The following NUP188 variants were observed in gnomAD, a reference collection of about 807,000 sequenced individuals.
NUP188 encodes the protein nucleoporin 188.
Under a neutral mutation model 223.0 loss-of-function variants are expected in NUP188, and 97 were observed. That is an observed-to-expected ratio of 0.43 (90% CI 0.37 to 0.51). The LOEUF (loss-of-function observed/expected upper bound fraction) is 0.51. Ranked by LOEUF, NUP188 falls within the 20% of genes least tolerant of loss-of-function variation. The pLI is 0.00. For missense variants in NUP188, 1,947 were observed against 2,175.6 expected (o/e 0.89, Z 2.09); for synonymous variants, 869 against 828.0 (o/e 1.05, Z -0.85).
At position 129,005,239 on chromosome 9, in the gene NUP188, T is replaced by C. The variant is rs1393859105; in HGVS notation, c.4509+18T>C. 9.3e-6 allele frequency: 15 copies of C among 1,613,680 alleles called. No individual in the cohort carries two copies. The highest frequency in any genetic ancestry group is 4.0e-5 in the African/African-American group (3 of 74,940). ...ACTTACAGGTAAGCGTCCTATGCCATGAGGTCCTGGAATACCTCACGCTAG... is the reference window on the plus strand; with the variant it reads ...ACTTACAGGTAAGCGTCCTATGCCACGAGGTCCTGGAATACCTCACGCTAG... On this transcript the variant is annotated intron_variant, in intron 39 of 43. Transcript: ENST00000372577.
intron 8 of NUP188, among the ~76,000 whole-genome samples, chr9:128,962,250 T>C (rs1410191404): frequency 6.8e-6 from 1 of 146,020 alleles, no homozygotes; most frequent in Non-Finnish European, 1.5e-5. Flanking sequence ...ACCATACTCT[T>C]TTTTTTTTTT....
In NUP188 at chr9:129,006,766, ACAATGGAGGG is replaced by A. The variant is rs1564571003; in HGVS notation, c.*91_*100del. The A allele has an allele frequency of 1.5e-6, 2 of 1,376,764 alleles. No individual in the cohort carries two copies. Among genetic ancestry groups the A allele is most frequent in the Admixed American group, 4.7e-5 (2 of 42,460 alleles). The allele number at this position is 1,376,764 out of a possible 1,614,324, so 85.3% of individuals were successfully genotyped here. ...GGTGCTGCTGGCTGCTAGGGCCTAT[ACAATGGAGGG>A]CACCTCCTGTCACCCCCCTCCCGGA... On this transcript the variant is annotated 3_prime_UTR_variant, in exon 44 of 44. Transcript: ENST00000372577.
At chr9:128,986,995 A>G (rs1842342309) in intron 22 of NUP188, 120 bp downstream of exon 22, 3 of 771,696 alleles carry the variant, frequency 3.9e-6, no homozygotes, top group Non-Finnish European at 6.4e-6. Flanking sequence ...GAACTCAGTA[A>G]TCTTGAGGTT....
intron 12 of NUP188, among the ~76,000 whole-genome samples, chr9:128,976,435 C>A (rs938689250): frequency 2.0e-5 from 3 of 152,014 alleles, no homozygotes; most frequent in Non-Finnish European, 4.4e-5. Context: ...CTTTGGGAGA[C>A]CAAAGAGGGC....
intron 3 of NUP188, 112 bp from the exon 4 acceptor site, chr9:128,956,238 T>C (rs1367718797): frequency 5.5e-6 from 3 of 544,028 alleles, no homozygotes; most frequent in East Asian, 6.4e-5. Context: ...TGTGTGTTTA[T>C]AGGCATCTGA....
intron 19 of NUP188, among the ~76,000 whole-genome samples, chr9:128,984,182 A>G (rs1842299039): frequency 7.2e-6 from 1 of 139,248 alleles, no homozygotes; most frequent in Non-Finnish European, 1.5e-5. Flanking sequence ...GCTGGAGTGC[A>G]ATGGCGTGAT....
rs61751464 is a variant in NUP188 at position 129,002,939 on chromosome 9, G to A, written c.4260G>A (p.Leu1420=). ...GCTACAACTTCCTGCCTGAGGCCCT[G>A]GACTTCGTGGGTGTCCACCAGGAGC... ...TLRYNFLPEA[L]DFVGVHQERT... The change falls in exon 37 of 44, where the codon CTG becomes CTA. Residue 1420 remains leucine (L), a synonymous_variant. Coordinates refer to ENST00000372577, the MANE Select transcript of NUP188 (RefSeq NM_015354.3). 1.5e-4 allele frequency: 244 copies of A among 1,614,202 alleles called. 6 individuals carry two copies. In the Middle Eastern group the frequency reaches 0.014, roughly 92 times the overall value.
rs1842600200 is a variant in NUP188 at position 128,999,555 on chromosome 9, G to A, written c.3662-69G>A. 3 of 1,513,808 alleles carry A rather than the reference G, an allele frequency of 2.0e-6. No homozygotes were observed. The South Asian group carries it at 3.5e-5, about 18-fold the overall frequency. The allele number at this position is 1,513,808 out of a possible 1,614,324, so 93.8% of individuals were successfully genotyped here. A position where few individuals can be genotyped will look rare whatever the true frequency, so the allele number is the denominator to read the frequency against. On this transcript the variant is annotated intron_variant, in intron 33 of 43. Coordinates refer to ENST00000372577, the MANE Select transcript of NUP188 (RefSeq NM_015354.3). ...TACATCTCCAGCCCCTTCCTAGGAA[G>A]GAAACCTTGGTGTACAGTGAGAGTT...
chr9:128,968,361 C>T (rs529763282), intron 8 of NUP188, 145 bp from the exon 9 acceptor site: 7 of 632,132 alleles, frequency 1.1e-5, no homozygotes, highest in South Asian at 2.0e-5. Flanking sequence ...GGATCAGTTG[C>T]GTGTAGCAGT....
chr9:128,983,642 G>A, intron 19 of NUP188, 92 bp downstream of exon 19: 1 of 919,156 alleles, frequency 1.1e-6, no homozygotes, highest in Non-Finnish European at 1.7e-6. Context: ...TTATTTTTAT[G>A]TATTTGTTTG....
chr9:128,999,644 T>A lies in NUP188; in HGVS notation c.3682T>A (p.Ser1228Thr). Reference sequence around the variant, plus strand: ...TACAGTAAGTGACATCCCCCAGTACTCCCAGCTGGTGCTGAATGTCTGTGA... The same window carrying A: ...TACAGTAAGTGACATCCCCCAGTACACCCAGCTGGTGCTGAATGTCTGTGA... ...EMKVSDIPQY[S>T]QLVLNVCETL... Residue 1228 changes from serine to threonine, a missense_variant, in exon 34 of 44, where the codon TCC becomes ACC. By Grantham distance (58) the Ser-to-Thr change is moderately conservative (BLOSUM62 1). Transcript: ENST00000372577. 1 of 1,614,020 alleles carries A rather than the reference T, an allele frequency of 6.2e-7. No individual in the cohort carries two copies. Among genetic ancestry groups the A allele is most frequent in the Non-Finnish European group, 8.5e-7 (1 of 1,180,016 alleles).
chr9:128,987,122 T>A (rs1399269391), intron 22 of NUP188, among the ~76,000 whole-genome samples: 1 of 151,734 alleles, frequency 6.6e-6, no homozygotes, highest in Non-Finnish European at 1.5e-5. Flanking sequence ...TGTGTGTGTG[T>A]GTGTGTGTGT....
intron 38 of NUP188, chr9:129,004,881 T>C: frequency 1.9e-6 from 1 of 539,718 alleles, no homozygotes; most frequent in Non-Finnish European, 3.3e-6. Context: ...TCCTGAGCCC[T>C]GCTGGCCCAA....
intron 6 of NUP188, among the ~76,000 whole-genome samples, 177 bp downstream of exon 6, chr9:128,958,231 G>T (rs1841898582): frequency 6.6e-6 from 1 of 152,204 alleles, no homozygotes; most frequent in African/African-American, 2.4e-5. Flanking sequence ...ACCCAGTAGA[G>T]AAGTTTCTCC....
At chr9:128,972,516 C>T (rs1456118532) in intron 11 of NUP188, among the ~76,000 whole-genome samples, 2 of 152,148 alleles carry the variant, frequency 1.3e-5, no homozygotes, top group Non-Finnish European at 2.9e-5. Flanking sequence ...CCATGTGATA[C>T]TACAATGGTG....
chr9:128,961,329 C>G (rs1336903472), intron 8 of NUP188, among the ~76,000 whole-genome samples: 1 of 149,476 alleles, frequency 6.7e-6, no homozygotes, highest in Non-Finnish European at 1.5e-5. Context: ...GACTCTGTCT[C>G]AGAAAAATAA....
chr9:128,995,911 G>A (rs1259388893), intron 30 of NUP188, among the ~76,000 whole-genome samples: 3 of 152,180 alleles, frequency 2.0e-5, no homozygotes, highest in African/African-American at 7.2e-5. Flanking sequence ...TGTGACAGCT[G>A]CAGCAGCACC....
rs1218267047 is a variant in NUP188 at position 128,969,529 on chromosome 9, C to T, written c.912+15C>T. 5 of 1,427,660 alleles carry T rather than the reference C, an allele frequency of 3.5e-6. No individual in the cohort carries two copies. Among genetic ancestry groups the T allele is most frequent in the African/African-American group, 1.5e-5 (1 of 68,282 alleles). 88.4% of individuals were successfully genotyped at this position (1,427,660 alleles called of 1,614,324 possible). On this transcript the variant is annotated intron_variant, in intron 10 of 43. Coordinates refer to ENST00000372577, the MANE Select transcript of NUP188 (RefSeq NM_015354.3). ...TTATTTGTCAGGTGACTTGGAATAG[C>T]CTCTTTTTTTTCAGAGGGTTTATAA...
At chr9:128,948,017 T>C (rs1466797100) in intron 1 of NUP188, 8 of 358,934 alleles carry the variant, frequency 2.2e-5, no homozygotes, top group Non-Finnish European at 1.5e-5. Context: ...CCCTTTGCCT[T>C]CCTCCTCTCT....
Sources: allele counts gnomAD v4.1 joint callset (sites outside exome capture counted in the v4.1 genomes callset), GRCh38; gene constraint gnomAD v4.1.1; transcripts MANE v1.5; gene names NCBI Gene and HGNC (gene_info 2026-07-23, HGNC 2026-07-21).